Variants in PIGL observed in about 807,000 individuals in gnomAD.
PIGL encodes N-acetylglucosaminyl-phosphatidylinositol de-N-acetylase.
PIGL carries 22 observed loss-of-function variants against 31.1 expected under a neutral mutation model. That is an observed-to-expected ratio of 0.71 (90% confidence interval 0.51 to 1.01). The LOEUF (loss-of-function observed/expected upper bound fraction) is 1.01. PIGL is among the 50% of genes least tolerant of loss of function. PIGL has a pLI of 0.00. For missense variants in PIGL, 302 were observed against 315.9 expected (o/e 0.96, Z 0.33); for synonymous variants, 131 against 117.4 (o/e 1.12, Z -0.75).
At chr17:16,303,520 C>A (rs899755742) in intron 3 of PIGL, among the ~76,000 whole-genome samples, 32 of 151,912 alleles carry the variant, frequency 2.1e-4, no homozygotes, top group Non-Finnish European at 4.1e-4. Context: ...TATAAAACAG[C>A]TCCTTACTAA....
intron 2 of PIGL, among the ~76,000 whole-genome samples, chr17:16,275,268 T>G (rs1351644320): frequency 6.6e-6 from 1 of 152,220 alleles, no homozygotes; most frequent in Admixed American, 6.5e-5. Flanking sequence ...TTGTAAACTG[T>G]CAGTGGCACT....
chr17:16,242,332 A>G (rs984537111), intron 2 of PIGL, among the ~76,000 whole-genome samples: 7 of 152,158 alleles, frequency 4.6e-5, no homozygotes, highest in African/African-American at 1.7e-4. Context: ...TTACAGCATG[A>G]GCCACCATTC....
chr17:16,300,489 T>C (rs2093000030), intron 3 of PIGL, among the ~76,000 whole-genome samples: 2 of 152,168 alleles, frequency 1.3e-5, no homozygotes, highest in African/African-American at 4.8e-5. Flanking sequence ...CAGACCAGCC[T>C]GGCCAGCATG....
intron 2 of PIGL, among the ~76,000 whole-genome samples, chr17:16,270,823 G>A (rs940647706): frequency 5.3e-5 from 8 of 151,934 alleles, no homozygotes; most frequent in South Asian, 2.1e-4. Flanking sequence ...AACCCGGGAG[G>A]CAGAGGTTGC....
At chr17:16,307,049 G>T (rs1286219601) in intron 3 of PIGL, among the ~76,000 whole-genome samples, 1 of 152,142 alleles carries the variant, frequency 6.6e-6, no homozygotes, top group East Asian at 1.9e-4. Flanking sequence ...AAAGCGAGAG[G>T]GTTCTGTCAG....
chr17:16,226,769 T>C (rs918789142), intron 1 of PIGL, among the ~76,000 whole-genome samples: 1 of 152,204 alleles, frequency 6.6e-6, no homozygotes, highest in Non-Finnish European at 1.5e-5. Context: ...AGTGAAGGTA[T>C]TGCCTTTTGA....
At chr17:16,315,233 A>T (rs1474168731) in intron 4 of PIGL, among the ~76,000 whole-genome samples, 1 of 152,218 alleles carries the variant, frequency 6.6e-6, no homozygotes, top group Non-Finnish European at 1.5e-5. Flanking sequence ...ACTGTGCTTC[A>T]GATAAAACAA....
Position 16,315,798 on chromosome 17 carries a change from C to T in PIGL, c.495-883C>T, listed in dbSNP as rs544852765. On this transcript the variant is annotated intron_variant, in intron 4 of 6. Coordinates refer to ENST00000225609, the MANE Select transcript of PIGL (RefSeq NM_004278.4). ...TGGCGTGATCTCAGCTCACTGCAGC[C>T]TCCGCCTCCTGCCTCAGCCTCCTGA... Among the ~76,000 whole-genome samples, 4 of 147,328 alleles carry T rather than the reference C, an allele frequency of 2.7e-5. No homozygotes were observed. The Admixed American group carries it at 2.8e-4, about 10-fold the overall frequency.
intron 2 of PIGL, among the ~76,000 whole-genome samples, chr17:16,250,064 A>T (rs756472207): frequency 3.3e-5 from 5 of 152,160 alleles, no homozygotes; most frequent in Non-Finnish European, 5.9e-5. Context: ...CTGCTGCCTC[A>T]GCCTCCCAAG....
intron 2 of PIGL, among the ~76,000 whole-genome samples, chr17:16,272,764 G>C: frequency 6.6e-6 from 1 of 152,092 alleles, no homozygotes; most frequent in African/African-American, 2.4e-5. Context: ...AACCACTCTT[G>C]GCTTCTGTAA....
chr17:16,267,394 G>C (rs1171477100), intron 2 of PIGL, among the ~76,000 whole-genome samples: 1 of 151,990 alleles, frequency 6.6e-6, no homozygotes, highest in Non-Finnish European at 1.5e-5. Context: ...TGGAGGAAGT[G>C]GATGGGAAGG....
In PIGL at chr17:16,313,461, C is replaced by A; in HGVS notation, c.427-86C>A. The A allele has an allele frequency of 1.8e-5, 17 of 961,216 alleles. No individual in the cohort carries two copies. In the South Asian group the frequency reaches 2.2e-4, roughly 12 times the overall value. The allele number at this position is 961,216 out of a possible 1,614,324, so 59.5% of individuals were successfully genotyped here. A position where few individuals can be genotyped will look rare whatever the true frequency, so the allele number is the denominator to read the frequency against. ...ATTTGAAAAGTTTCAGGGTTCTGTT[C>A]TCTCCTTCCCAAGGGAAGGAGACAG... On this transcript the variant is annotated intron_variant, in intron 3 of 6. Coordinates refer to ENST00000225609, the MANE Select transcript of PIGL (RefSeq NM_004278.4).
At chr17:16,288,244 T>C (rs920815302) in intron 2 of PIGL, among the ~76,000 whole-genome samples, 1 of 152,210 alleles carries the variant, frequency 6.6e-6, no homozygotes. Context: ...CTCACTCTTG[T>C]TGCCCAGGTT....
At position 16,242,988 on chromosome 17, in the gene PIGL, A is replaced by G. The variant is rs1182432580; in HGVS notation, c.335+8918A>G. Among the ~76,000 whole-genome samples the G allele has an allele frequency of 2.0e-5, 3 of 152,144 alleles. No individual in the cohort carries two copies. The East Asian group carries it at 5.8e-4, about 29-fold the overall frequency. On this transcript the variant is annotated intron_variant, in intron 2 of 6. Transcript: ENST00000225609. Reference sequence around the variant, plus strand: ...AGGGAAAGCAGGCAACTTTATCCGTATTTATGATTTGATTGACAACATATC... The same window carrying G: ...AGGGAAAGCAGGCAACTTTATCCGTGTTTATGATTTGATTGACAACATATC...
chr17:16,220,623 G>A (rs930390272), intron 1 of PIGL, among the ~76,000 whole-genome samples: 22 of 151,476 alleles, frequency 1.5e-4, no homozygotes, highest in African/African-American at 5.1e-4. Flanking sequence ...GGAGTAGCGG[G>A]ATTACAGGCA....
chr17:16,301,134 CTTTTTTTTTTAATT>C (rs1372719601), intron 3 of PIGL, among the ~76,000 whole-genome samples: 1 of 148,800 alleles, frequency 6.7e-6, no homozygotes, highest in East Asian at 2.0e-4. Context: ...ACATATTAGG[CTTTTTTTTTTAATT>C]TTTTTTTTTT....
intron 2 of PIGL, among the ~76,000 whole-genome samples, chr17:16,280,630 C>T (rs1429648854): frequency 6.6e-6 from 1 of 152,158 alleles, no homozygotes; most frequent in Admixed American, 6.5e-5. Flanking sequence ...GATTAGCCCA[C>T]ATTGATTGAC....
At chr17:16,220,341 C>T (rs191705614) in intron 1 of PIGL, among the ~76,000 whole-genome samples, 2 of 151,692 alleles carry the variant, frequency 1.3e-5, no homozygotes, top group Admixed American at 1.3e-4. Context: ...AGGGAGACTC[C>T]GTCTCAAAAA....
intron 2 of PIGL, among the ~76,000 whole-genome samples, chr17:16,269,277 G>A (rs1377818074): frequency 6.6e-6 from 1 of 152,186 alleles, no homozygotes; most frequent in Non-Finnish European, 1.5e-5. Flanking sequence ...GCTTTACATG[G>A]CCAGTCTCCA....
Sources: gnomAD v4.1 joint callset for allele counts (sites outside exome capture counted in the v4.1 genomes callset) on GRCh38, gnomAD v4.1.1 for gene constraint, MANE v1.5 for transcripts, NCBI Gene and HGNC (gene_info 2026-07-23, HGNC 2026-07-21) for gene names.